The following SYN2 variants were observed in gnomAD, a reference collection of about 807,000 sequenced individuals.
SYN2 encodes synapsin-2.
Under a neutral mutation model 50.9 loss-of-function variants are expected in SYN2, and 19 were observed. That is an observed-to-expected ratio of 0.37 (90% CI 0.26 to 0.55). The LOEUF is 0.55. SYN2 is among the 20% of genes least tolerant of loss of function. SYN2 has a pLI of 0.81. For synonymous variants in SYN2, 255 were observed against 224.9 expected, an observed-to-expected ratio of 1.13 and a Z score of -1.20; for missense variants, 587 against 576.4, an observed-to-expected ratio of 1.02 and a Z score of -0.19.
intron 5 of SYN2, among the ~76,000 whole-genome samples, chr3:12,151,680 G>A (rs1277438424): frequency 2.0e-5 from 3 of 152,116 alleles, no homozygotes; most frequent in African/African-American, 4.8e-5. Flanking sequence ...CCAATAAGAC[G>A]GTCAAGTGGG....
At chr3:12,061,338 C>T (rs1000998608) in intron 1 of SYN2, among the ~76,000 whole-genome samples, 1 of 152,090 alleles carries the variant, frequency 6.6e-6, no homozygotes, top group African/African-American at 2.4e-5. Flanking sequence ...TAAAAAGCCT[C>T]TGACAAAATG....
In SYN2 at chr3:12,168,277, G is replaced by C. The variant is rs574986820; in HGVS notation, c.1056-99G>C. On this transcript the variant is annotated intron_variant, in intron 8 of 12. Coordinates refer to ENST00000621198, the MANE Select transcript of SYN2 (RefSeq NM_133625.6). ...GATGGAGGGAGCAGTGGGAATGGGA[G>C]GTGGGAGAGATGGAGGCAGCAAGGA... 2.1e-5 allele frequency: 18 copies of C among 866,262 alleles called. No homozygotes were observed. The African/African-American group carries it at 3.0e-4, about 14-fold the overall frequency. The allele number at this position is 866,262 out of a possible 1,614,324, so 53.7% of individuals were successfully genotyped here.
intron 1 of SYN2, among the ~76,000 whole-genome samples, chr3:12,103,683 A>C (rs1490384633): frequency 1.3e-5 from 2 of 152,228 alleles, no homozygotes; most frequent in Non-Finnish European, 2.9e-5. Flanking sequence ...AGTTAACTTC[A>C]AGCTTGGTCA....
At chr3:12,160,914 C>G (rs919063086) in intron 5 of SYN2, among the ~76,000 whole-genome samples, 3 of 152,064 alleles carry the variant, frequency 2.0e-5, no homozygotes, top group African/African-American at 4.8e-5. Context: ...CTAAGGATCT[C>G]TCTGCATTTA....
chr3:12,073,084 G>A (rs1214040758), intron 1 of SYN2, among the ~76,000 whole-genome samples: 1 of 152,010 alleles, frequency 6.6e-6, no homozygotes, highest in Non-Finnish European at 1.5e-5. Flanking sequence ...GTATAATCAT[G>A]GCTCCCAACA....
chr3:12,153,276 C>A, intron 5 of SYN2: 1 of 573,282 alleles, frequency 1.7e-6, no homozygotes, highest in Non-Finnish European at 3.1e-6. Context: ...AGAAGAAACA[C>A]TTGCAGTAAC....
chr3:12,027,183 T>C (rs1398895724), intron 1 of SYN2, among the ~76,000 whole-genome samples: 1 of 152,166 alleles, frequency 6.6e-6, no homozygotes, highest in Non-Finnish European at 1.5e-5. Flanking sequence ...GCTTCATGGC[T>C]CAGCCTTCCC....
At chr3:12,122,422 C>T (rs1696580748) in intron 1 of SYN2, among the ~76,000 whole-genome samples, 1 of 152,102 alleles carries the variant, frequency 6.6e-6, no homozygotes, top group Non-Finnish European at 1.5e-5. Flanking sequence ...TGTATCAGGC[C>T]TCTTGGGATA....
At chr3:12,146,521 C>T (rs1164676381) in intron 4 of SYN2, among the ~76,000 whole-genome samples, 2 of 152,192 alleles carry the variant, frequency 1.3e-5, no homozygotes, top group Non-Finnish European at 2.9e-5. Flanking sequence ...TAATCCTCAC[C>T]TTACAAGGAA....
At chr3:12,161,725 G>T in intron 6 of SYN2, 117 bp downstream of exon 6, 1 of 1,294,582 alleles carries the variant, frequency 7.7e-7, no homozygotes. Context: ...CCAAAGAGAA[G>T]ATGATTTGCC....
chr3:12,119,335 A>G lies in SYN2; in HGVS notation c.378-21316A>G, dbSNP rs191448894. Among the ~76,000 whole-genome samples, 4 of 152,152 alleles carry G rather than the reference A, an allele frequency of 2.6e-5. No homozygotes were observed. In the East Asian group the frequency reaches 5.8e-4, roughly 22 times the overall value. The stretch of plus-strand genomic sequence containing the variant: ...TCAGCTCTTTTGAACTGAGCTTCCC[A>G]TCTCACTTTATTTATGTGTCTGCCT... On this transcript the variant is annotated intron_variant, in intron 1 of 12. Transcript: ENST00000621198.
intron 1 of SYN2, among the ~76,000 whole-genome samples, chr3:12,119,526 CT>C (rs1056656890): frequency 5.3e-5 from 8 of 152,206 alleles, no homozygotes; most frequent in East Asian, 1.9e-4. Flanking sequence ...TTTTTCCCCC[CT>C]AACAGCTGTT....
rs3732704 is a variant in SYN2, at chr3:12,146,032, G to A, written c.684+197G>A. ...GAGAGGAGCTTCCCCTGGGACATGG[G>A]GGAGGGCTGGCCATCAGAATAGCAC... On this transcript the variant is annotated intron_variant, in intron 4 of 12. Transcript: ENST00000621198. 7.4e-4 allele frequency among the ~76,000 whole-genome samples: 113 copies of A among 152,304 alleles called. 1 individual carries two copies. The East Asian group carries it at 0.02, about 27-fold the overall frequency.
At chr3:12,109,868 T>C (rs1696276128) in intron 1 of SYN2, among the ~76,000 whole-genome samples, 1 of 152,232 alleles carries the variant, frequency 6.6e-6, no homozygotes, top group South Asian at 2.1e-4. Flanking sequence ...GACAAGTTTT[T>C]AAATAAAACC....
chr3:12,121,984 C>T (rs770193303), intron 1 of SYN2, among the ~76,000 whole-genome samples: 18 of 152,228 alleles, frequency 1.2e-4, no homozygotes, highest in Admixed American at 1.3e-4. Flanking sequence ...AGTTTTTACT[C>T]TTCAGGCCTT....
intron 1 of SYN2, among the ~76,000 whole-genome samples, chr3:12,121,351 G>A (rs1170152266): frequency 3.3e-5 from 5 of 152,126 alleles, no homozygotes; most frequent in Admixed American, 6.5e-5. Flanking sequence ...ACTTATGGTG[G>A]ATGTTTAATA....
intron 1 of SYN2, among the ~76,000 whole-genome samples, chr3:12,114,257 C>T (rs545679270): frequency 6.6e-6 from 1 of 152,118 alleles, no homozygotes; most frequent in East Asian, 1.9e-4. Flanking sequence ...CTTTGGAGAA[C>T]TATCTATTCA....
intron 3 of SYN2, 26 bp from the exon 4 acceptor site, chr3:12,145,653 C>A (rs758441848): frequency 1.9e-6 from 3 of 1,610,432 alleles, no homozygotes; most frequent in Non-Finnish European, 2.5e-6. Flanking sequence ...TGGTTAATGG[C>A]AAACCTGCCT....
intron 1 of SYN2, among the ~76,000 whole-genome samples, chr3:12,043,287 A>G (rs143178150): frequency 3.6e-4 from 55 of 152,174 alleles, no homozygotes; most frequent in Middle Eastern, 6.8e-3. Context: ...CAAACCTCTC[A>G]AAGCACTGGG....
Sources: gnomAD v4.1 joint callset for allele counts (sites outside exome capture counted in the v4.1 genomes callset) on GRCh38, gnomAD v4.1.1 for gene constraint, MANE v1.5 for transcripts, NCBI Gene and HGNC (gene_info 2026-07-23, HGNC 2026-07-21) for gene names.